Variants in CLYBL observed in about 807,000 individuals in gnomAD.
CLYBL encodes the protein citramalyl-CoA lyase, mitochondrial.
A neutral mutation model predicts 38.9 loss-of-function variants in CLYBL; 31 were observed. The ratio of observed to expected loss-of-function variants is 0.80; its 90% CI spans 0.60 to 1.08. The LOEUF (loss-of-function observed/expected upper bound fraction) is 1.08. Ranked by LOEUF, CLYBL falls within the 50% of genes least tolerant of loss-of-function variation. The pLI, the probability that CLYBL is intolerant of heterozygous loss-of-function variation, is 0.00. For missense variants in CLYBL, 434 were observed against 411.6 expected, an observed-to-expected ratio of 1.05 and a Z score of -0.47; for synonymous variants, 171 against 158.6, an observed-to-expected ratio of 1.08 and a Z score of -0.59.
chr13:99,656,247 A>G (rs566455707), intron 1 of CLYBL, among the ~76,000 whole-genome samples: 1 of 152,246 alleles, frequency 6.6e-6, no homozygotes, highest in South Asian at 2.1e-4. Context: ...CCCAGACCTT[A>G]GGGTGGCGTG....
chr13:99,607,984 G>T (rs1420906053), intron 1 of CLYBL, among the ~76,000 whole-genome samples: 1 of 151,432 alleles, frequency 6.6e-6, no homozygotes. Context: ...CCTCAAGGGG[G>T]TCCACCCGGA....
chr13:99,717,609 G>T (rs1056832830), intron 1 of CLYBL, among the ~76,000 whole-genome samples: 3 of 151,836 alleles, frequency 2.0e-5, no homozygotes, highest in Non-Finnish European at 2.9e-5. Context: ...ACAGGTACAC[G>T]CCACCATGCC....
intron 1 of CLYBL, among the ~76,000 whole-genome samples, chr13:99,654,654 G>T (rs1193858748): frequency 6.6e-6 from 1 of 152,218 alleles, no homozygotes; most frequent in Non-Finnish European, 1.5e-5. Flanking sequence ...CTCAAAGCCA[G>T]TAATGTGCCA....
chr13:99,750,252 G>A (rs192693261), intron 1 of CLYBL, among the ~76,000 whole-genome samples: 1 of 152,142 alleles, frequency 6.6e-6, no homozygotes. Flanking sequence ...AATCCATTAC[G>A]AATCTGTCAT....
Position 99,629,013 on chromosome 13 carries a change from C to T in CLYBL, c.62+22256C>T, listed in dbSNP as rs139987329. On this transcript the variant is annotated intron_variant, in intron 1 of 8. Transcript: ENST00000339105. ...GTTTTCACCTTGAAACAGCGACTGC[C>T]GCCCAGTTCCTGCTGCTTCGTTCGC... Among the ~76,000 whole-genome samples the T allele has an allele frequency of 1.6e-3, 237 of 152,330 alleles. 3 individuals carry two copies. In the East Asian group the frequency reaches 0.034, roughly 22 times the overall value.
At chr13:99,900,355 TTTG>T (rs1436135808), downstream of CLYBL, among the ~76,000 whole-genome samples, 13 of 152,156 alleles carry the variant, frequency 8.5e-5, no homozygotes, top group African/African-American at 2.9e-4. Context: ...GCATTGCTCT[TTTG>T]TTGTTGTCGT....
chr13:99,709,019 G>C (rs762999697), intron 1 of CLYBL, among the ~76,000 whole-genome samples: 1 of 152,092 alleles, frequency 6.6e-6, no homozygotes, highest in African/African-American at 2.4e-5. Flanking sequence ...CTTGAACCAG[G>C]GGGGCGGAGG....
At chr13:99,709,288 C>G (rs1415629298) in intron 1 of CLYBL, among the ~76,000 whole-genome samples, 1 of 152,162 alleles carries the variant, frequency 6.6e-6, no homozygotes, top group Non-Finnish European at 1.5e-5. Flanking sequence ...CTGCTGACAC[C>G]TCAGTTTCAG....
intron 1 of CLYBL, among the ~76,000 whole-genome samples, chr13:99,771,380 C>T (rs1283390145): frequency 6.6e-6 from 1 of 152,138 alleles, no homozygotes; most frequent in Non-Finnish European, 1.5e-5. Context: ...TGACATAGAA[C>T]TTCATCTCTT....
intron 1 of CLYBL, among the ~76,000 whole-genome samples, chr13:99,617,310 G>A (rs548982244): frequency 1.3e-5 from 2 of 152,052 alleles, no homozygotes; most frequent in South Asian, 2.1e-4. Flanking sequence ...CCTAATAAGG[G>A]CCTCTCTATG....
intron 2 of CLYBL, among the ~76,000 whole-genome samples, chr13:99,787,550 T>C (rs990135249): frequency 3.9e-5 from 6 of 152,222 alleles, no homozygotes; most frequent in African/African-American, 1.4e-4. Flanking sequence ...TTCTGTTCCA[T>C]TGGTCTGTAT....
chr13:99,696,626 G>C (rs1393648818), intron 1 of CLYBL, among the ~76,000 whole-genome samples: 2 of 152,006 alleles, frequency 1.3e-5, no homozygotes, highest in African/African-American at 4.8e-5. Flanking sequence ...ATCCTAGGAG[G>C]CCTAGACTTG....
chr13:99,860,949 A>G lies in CLYBL; in HGVS notation c.438+1900A>G, dbSNP rs535953402. Among the ~76,000 whole-genome samples the G allele has an allele frequency of 5.3e-3, 809 of 152,270 alleles. 8 individuals are homozygous for G. The highest frequency in any genetic ancestry group is 9.5e-3 in the Non-Finnish European group (645 of 68,018). On this transcript the variant is annotated intron_variant, in intron 3 of 8. Coordinates refer to ENST00000339105, the MANE Select transcript of CLYBL (RefSeq NM_206808.5). ...ACCCTGCCTCCTTTGTCATGGGACA[A>G]TTCTCCCACAAATCCCGAACAGTGT... is the stretch of plus-strand genomic sequence containing the variant.
intron 2 of CLYBL, among the ~76,000 whole-genome samples, chr13:99,814,491 G>C (rs1333679293): frequency 1.3e-5 from 2 of 152,222 alleles, no homozygotes; most frequent in African/African-American, 4.8e-5. Flanking sequence ...GGGAGGCCAA[G>C]GCAAGAGGAT....
chr13:99,777,449 C>G (rs1467273654), intron 2 of CLYBL, among the ~76,000 whole-genome samples: 1 of 151,664 alleles, frequency 6.6e-6, no homozygotes, highest in Non-Finnish European at 1.5e-5. Context: ...GTTGGAAATA[C>G]AAAAATGCTG....
chr13:99,768,466 T>G (rs2049314457), intron 1 of CLYBL, among the ~76,000 whole-genome samples: 1 of 149,366 alleles, frequency 6.7e-6, no homozygotes, highest in Non-Finnish European at 1.5e-5. Context: ...GTGCTGGGAT[T>G]ACAGGTGTGA....
At chr13:99,655,611 A>G (rs1221088563) in intron 1 of CLYBL, among the ~76,000 whole-genome samples, 9 of 152,160 alleles carry the variant, frequency 5.9e-5, no homozygotes. Flanking sequence ...ATCCCACTAA[A>G]TAACACATTG....
intron 9 of CLYBL, among the ~76,000 whole-genome samples, chr13:99,907,609 G>C (rs1195752329): frequency 2.6e-5 from 4 of 152,024 alleles, no homozygotes; most frequent in Non-Finnish European, 5.9e-5. Flanking sequence ...TGTAATCCCA[G>C]AGACTCAGGA....
chr13:99,717,881 TA>T (rs775520660), intron 1 of CLYBL, among the ~76,000 whole-genome samples: 16 of 152,202 alleles, frequency 1.1e-4, no homozygotes, highest in Non-Finnish European at 2.2e-4. Flanking sequence ...GCATATTTAA[TA>T]ACATAGGATC....
Sources: allele counts gnomAD v4.1 joint callset (sites outside exome capture counted in the v4.1 genomes callset), GRCh38; gene constraint gnomAD v4.1.1; transcripts MANE v1.5; gene names NCBI Gene and HGNC (gene_info 2026-07-23, HGNC 2026-07-21).